The following MAP4K3 variants were observed in gnomAD, a reference collection of about 807,000 sequenced individuals.
The protein encoded by MAP4K3 is mitogen-activated protein kinase kinase kinase kinase 3.
A neutral mutation model predicts 143.5 loss-of-function variants in MAP4K3; 94 were observed. That is an observed-to-expected ratio of 0.65 (90% confidence interval 0.55 to 0.78). The LOEUF (loss-of-function observed/expected upper bound fraction) is 0.78. Ranked by LOEUF, MAP4K3 falls within the 30% of genes least tolerant of loss-of-function variation. MAP4K3 has a pLI of 0.00. For missense variants in MAP4K3, 1,077 were observed against 1,068.1 expected, an observed-to-expected ratio of 1.01 and a Z score of -0.12; for synonymous variants, 416 against 347.2, an observed-to-expected ratio of 1.20 and a Z score of -2.20.
intron 1 of MAP4K3, among the ~76,000 whole-genome samples, chr2:39,414,554 C>A (rs1468250049): frequency 1.3e-5 from 2 of 152,270 alleles, no homozygotes; most frequent in East Asian, 1.9e-4. Context: ...CTCTGTCTGC[C>A]TACTATGCCT....
At chr2:39,336,745 G>A (rs1011774824) in intron 6 of MAP4K3, among the ~76,000 whole-genome samples, 175 bp downstream of exon 6, 1 of 152,024 alleles carries the variant, frequency 6.6e-6, no homozygotes, top group African/African-American at 2.4e-5. Context: ...TATGGTATGT[G>A]AATTGTGCCT....
rs573887459 is a variant in MAP4K3, at chr2:39,321,559, G to A, written c.918+3959C>T. 7.8e-4 allele frequency among the ~76,000 whole-genome samples: 118 copies of A among 152,156 alleles called. 1 individual carries two copies. Among genetic ancestry groups the A allele is most frequent in the Non-Finnish European group, 3.4e-4 (23 of 68,000 alleles). On this transcript the variant is annotated intron_variant, in intron 12 of 33. Coordinates refer to ENST00000263881, the MANE Select transcript of MAP4K3 (RefSeq NM_003618.4). ...CTCGTGGGAAGGGGAAGACCTGACC[G>A]TCCCCCAGCCCGACACCCATAAAGG...
chr2:39,254,574 A>C, intron 31 of MAP4K3, 54 bp from the exon 32 acceptor site: 1 of 1,356,456 alleles, frequency 7.4e-7, no homozygotes, highest in Non-Finnish European at 1.1e-6. Context: ...TTCAACTGAT[A>C]AGCATCATTT....
rs68013609 is a variant in MAP4K3, at chr2:39,369,205, G to GTTTTTTTTTTTTTTTT, written c.154+8860_154+8861insAAAAAAAAAAAAAAAA. Among the ~76,000 whole-genome samples, 207 of 125,264 alleles carry GTTTTTTTTTTTTTTTT rather than the reference G, an allele frequency of 1.7e-3. 8 individuals carry two copies. Among genetic ancestry groups the GTTTTTTTTTTTTTTTT allele is most frequent in the African/African-American group, 3.1e-3 (99 of 31,656 alleles). 82.2% of individuals were successfully genotyped at this position (125,264 alleles called of 152,430 possible). On this transcript the variant is annotated intron_variant, in intron 2 of 33. Coordinates refer to ENST00000263881, the MANE Select transcript of MAP4K3 (RefSeq NM_003618.4). ...AACCTTTGGGCTAGTTTTTTTTTTT[G>GTTTTTTTTTTTTTTTT]TTTTTTTTGAGATGCAGTTTTGCTC... is the stretch of plus-strand genomic sequence containing the variant.
intron 4 of MAP4K3, among the ~76,000 whole-genome samples, 170 bp from the exon 5 acceptor site, chr2:39,337,751 A>ATTTTTT (rs1573169563): frequency 1.2e-5 from 1 of 80,122 alleles, no homozygotes; most frequent in African/African-American, 4.2e-5. Context: ...GCCTGGCTCC[A>ATTTTTT]GTTTTTTTTT....
Position 39,377,201 on chromosome 2 carries a change from C to CTTTTTTTTTTTTTTTT in MAP4K3, c.154+864_154+865insAAAAAAAAAAAAAAAA, listed in dbSNP as rs56149359. ...AAGTCTAAAGTATTGGCTATTTGGC[C>CTTTTTTTTTTTTTTTT]TTTTTTTTTTTTTTAAACAGAAAAA... On this transcript the variant is annotated intron_variant, in intron 2 of 33. Coordinates refer to ENST00000263881, the MANE Select transcript of MAP4K3 (RefSeq NM_003618.4). Among the ~76,000 whole-genome samples, 4 of 110,584 alleles carry CTTTTTTTTTTTTTTTT rather than the reference C, an allele frequency of 3.6e-5. 1 individual carries two copies. Among genetic ancestry groups the CTTTTTTTTTTTTTTTT allele is most frequent in the Admixed American group, 3.2e-4 (3 of 9,504 alleles). 72.5% of individuals were successfully genotyped at this position (110,584 alleles called of 152,430 possible).
chr2:39,376,287 C>CG (rs1666216165), intron 2 of MAP4K3, among the ~76,000 whole-genome samples: 1 of 151,784 alleles, frequency 6.6e-6, no homozygotes, highest in South Asian at 2.1e-4. Flanking sequence ...TAACTGGTGG[C>CG]GGGGGGAAAT....
intron 2 of MAP4K3, among the ~76,000 whole-genome samples, chr2:39,360,420 G>A (rs564865922): frequency 3.3e-5 from 5 of 152,200 alleles, no homozygotes; most frequent in Admixed American, 6.5e-5. Context: ...CAAGTCTCTC[G>A]GAACTTCCAA....
intron 11 of MAP4K3, 43 bp from the exon 12 acceptor site, chr2:39,325,671 G>C: frequency 6.4e-7 from 1 of 1,556,874 alleles, no homozygotes; most frequent in Non-Finnish European, 8.8e-7. Context: ...CTATAAATCT[G>C]ATTGAATAAC....
At chr2:39,315,046 C>T (rs1035177010) in intron 13 of MAP4K3, among the ~76,000 whole-genome samples, 1 of 152,158 alleles carries the variant, frequency 6.6e-6, no homozygotes, top group African/African-American at 2.4e-5. Flanking sequence ...GCATTTACGG[C>T]ACTGCCTTAA....
intron 21 of MAP4K3, among the ~76,000 whole-genome samples, chr2:39,285,921 T>C (rs1436651919): frequency 2.6e-5 from 4 of 152,228 alleles, no homozygotes; most frequent in African/African-American, 9.6e-5. Context: ...GTTTCATCTC[T>C]TATGATCCCT....
At chr2:39,397,187 T>C (rs979831279) in intron 1 of MAP4K3, among the ~76,000 whole-genome samples, 1 of 152,142 alleles carries the variant, frequency 6.6e-6, no homozygotes, top group Non-Finnish European at 1.5e-5. Flanking sequence ...ACCAAGACTT[T>C]GGTACTAAAA....
chr2:39,272,533 G>A lies in MAP4K3; in HGVS notation c.1804C>T (p.Arg602Ter). 3.7e-6 allele frequency: 6 copies of A among 1,612,850 alleles called. No individual in the cohort carries two copies. Among genetic ancestry groups the A allele is most frequent in the South Asian group, 1.1e-5 (1 of 90,974 alleles). Reference protein sequence around the residue: ...HETSMEQLFPRRCTWLYVMNN... With the variant: ...HETSMEQLFP Reference sequence around the variant, plus strand: ...ATTACATACAACCATGTACACCTTCGAGGGAATAGCTGATTAAAAAAAGGC... The same window carrying A: ...ATTACATACAACCATGTACACCTTCAAGGGAATAGCTGATTAAAAAAAGGC... The change falls in exon 25 of 34, where the codon CGA (arginine) becomes TGA (stop). Residue 602 changes from arginine (R) to a stop codon, truncating the protein, a stop_gained. Coordinates refer to ENST00000263881, the MANE Select transcript of MAP4K3 (RefSeq NM_003618.4). LOFTEE classifies it high-confidence loss of function.
intron 7 of MAP4K3, 124 bp downstream of exon 7, chr2:39,333,408 T>C: frequency 1.4e-6 from 1 of 702,090 alleles, no homozygotes; most frequent in Non-Finnish European, 2.5e-6. Flanking sequence ...GCAACGAGAT[T>C]TCCATCTAAA....
chr2:39,402,110 GA>G (rs1401893313), intron 1 of MAP4K3, among the ~76,000 whole-genome samples: 1 of 151,892 alleles, frequency 6.6e-6, no homozygotes, highest in Non-Finnish European at 1.5e-5. Context: ...CACGGACTAC[GA>G]AAAAAACCCA....
intron 12 of MAP4K3, among the ~76,000 whole-genome samples, chr2:39,319,262 C>A (rs941039616): frequency 6.6e-6 from 1 of 151,492 alleles, no homozygotes; most frequent in Admixed American, 6.6e-5. Flanking sequence ...CTACAAAGAA[C>A]CTCCTTACCC....
chr2:39,313,704 G>T (rs1268500135), intron 13 of MAP4K3, among the ~76,000 whole-genome samples: 1 of 152,110 alleles, frequency 6.6e-6, no homozygotes, highest in African/African-American at 2.4e-5. Flanking sequence ...GCAGACACAG[G>T]ATTTCACTAT....
chr2:39,365,617 T>C (rs1665901464), intron 2 of MAP4K3, among the ~76,000 whole-genome samples: 1 of 150,434 alleles, frequency 6.6e-6, no homozygotes, highest in Non-Finnish European at 1.5e-5. Context: ...GCTAATTTTT[T>C]GTATTTTTAG....
At chr2:39,258,770 G>T (rs1159140318) in intron 29 of MAP4K3, among the ~76,000 whole-genome samples, 183 bp from the exon 30 acceptor site, 1 of 152,232 alleles carries the variant, frequency 6.6e-6, no homozygotes, top group Admixed American at 6.5e-5. Flanking sequence ...AACAACGTAA[G>T]TGCTCAACAG....
Sources: allele counts gnomAD v4.1 joint callset (sites outside exome capture counted in the v4.1 genomes callset), GRCh38; gene constraint gnomAD v4.1.1; transcripts MANE v1.5; gene names NCBI Gene and HGNC (gene_info 2026-07-23, HGNC 2026-07-21).